SAMD12: variants seen among roughly 807,000 people sequenced by gnomAD.
SAMD12 encodes sterile alpha motif domain containing 12.
SAMD12 carries 9 observed loss-of-function variants against 15.0 expected under a neutral mutation model. That is an observed-to-expected ratio of 0.60 (90% CI 0.36 to 1.05). The LOEUF (loss-of-function observed/expected upper bound fraction) is 1.05, where lower values mean the gene tolerates loss of function less well. Ranked by LOEUF, SAMD12 falls within the 50% of genes least tolerant of loss-of-function variation. The pLI is 0.01. For synonymous variants in SAMD12, 86 were observed against 90.1 expected (o/e 0.96, Z 0.25); for missense variants, 230 against 234.2 (o/e 0.98, Z 0.12).
In SAMD12 at chr8:118,445,249, T is replaced by C. The variant is rs16891047; in HGVS notation, c.193-5288A>G. On this transcript the variant is annotated intron_variant, in intron 2 of 3. Transcript: ENST00000314727. ...TTCACCCAAAAAAGGTCACTAAATATCAGGAAAAATGGTTAGCTCATAGAA... is the reference window on the plus strand; with the variant it reads ...TTCACCCAAAAAAGGTCACTAAATACCAGGAAAAATGGTTAGCTCATAGAA... 4.6e-3 allele frequency among the ~76,000 whole-genome samples: 700 copies of C among 152,280 alleles called. 4 individuals carry two copies. The highest frequency in any genetic ancestry group is 0.016 in the African/African-American group (663 of 41,552).
At chr8:118,179,535 T>A in the SAMD12 span, among the ~76,000 whole-genome samples, 1 of 152,004 alleles carries the variant, frequency 6.6e-6, no homozygotes, top group African/African-American at 2.4e-5. Flanking sequence ...GAATAGGAGA[T>A]GCAGAGGAGT....
chr8:118,487,122 G>T (rs191374264), intron 2 of SAMD12, among the ~76,000 whole-genome samples: 2 of 152,176 alleles, frequency 1.3e-5, no homozygotes, highest in South Asian at 4.1e-4. Context: ...AGAATCCCCA[G>T]CACAAGTGTT....
At chr8:118,533,743 T>A (rs780468645) in intron 2 of SAMD12, among the ~76,000 whole-genome samples, 1 of 152,212 alleles carries the variant, frequency 6.6e-6, no homozygotes, top group Non-Finnish European at 1.5e-5. Context: ...GTCTGTTTTA[T>A]CAGAGACTAG....
chr8:118,434,717 C>A (rs932963494), intron 3 of SAMD12, among the ~76,000 whole-genome samples: 8 of 152,190 alleles, frequency 5.3e-5, no homozygotes, highest in Admixed American at 2.0e-4. Context: ...CAGAAACATA[C>A]GCAAATTTCT....
At chr8:118,222,633 G>A (rs1221454353) in intron 4 of SAMD12, among the ~76,000 whole-genome samples, 2 of 152,110 alleles carry the variant, frequency 1.3e-5, no homozygotes, top group East Asian at 1.9e-4. Context: ...AGTCTCCCGA[G>A]TAGCTGGGAT....
intron 2 of SAMD12, among the ~76,000 whole-genome samples, chr8:118,559,805 C>T (rs1826654737): frequency 6.6e-6 from 1 of 152,036 alleles, no homozygotes; most frequent in African/African-American, 2.4e-5. Context: ...AAATATATTC[C>T]TGTATAGAAA....
At chr8:118,402,509 G>C (rs1820917357) in intron 3 of SAMD12, among the ~76,000 whole-genome samples, 1 of 152,322 alleles carries the variant, frequency 6.6e-6, no homozygotes, top group African/African-American at 2.4e-5. Context: ...AGGCTTATAA[G>C]GGGACTGCTC....
At chr8:118,385,788 C>G (rs1405374213) in intron 3 of SAMD12, among the ~76,000 whole-genome samples, 1 of 152,074 alleles carries the variant, frequency 6.6e-6, no homozygotes, top group African/African-American at 2.4e-5. Flanking sequence ...TCTTCTTTAC[C>G]ACAAATTGAT....
intron 4 of SAMD12, among the ~76,000 whole-genome samples, chr8:118,265,271 C>T (rs1175308401): frequency 6.6e-6 from 1 of 152,046 alleles, no homozygotes; most frequent in Non-Finnish European, 1.5e-5. Flanking sequence ...TATATTTTCA[C>T]TAGACATCCA....
intron 3 of SAMD12, among the ~76,000 whole-genome samples, chr8:118,430,401 T>C (rs1362761382): frequency 6.6e-6 from 1 of 151,838 alleles, no homozygotes; most frequent in East Asian, 1.9e-4. Context: ...TCTCGCTCTG[T>C]TGCCAGGCTG....
chr8:118,398,987 G>A (rs770255264), intron 3 of SAMD12, among the ~76,000 whole-genome samples: 1 of 152,076 alleles, frequency 6.6e-6, no homozygotes, highest in Non-Finnish European at 1.5e-5. Context: ...GGTCTCAAGT[G>A]GTTCTCCCAC....
intron 4 of SAMD12, among the ~76,000 whole-genome samples, chr8:118,369,385 T>C (rs186423597): frequency 6.6e-6 from 1 of 152,280 alleles, no homozygotes; most frequent in Admixed American, 6.5e-5. Context: ...ACCTCTTCCT[T>C]ACACTTTATA....
intron 1 of SAMD12, chr8:118,621,218 A>C (rs1029353299): frequency 6.5e-6 from 1 of 153,076 alleles, no homozygotes; most frequent in African/African-American, 2.4e-5. Context: ...GGCTGATTAC[A>C]TTTCATGTCT....
the SAMD12 span, among the ~76,000 whole-genome samples, chr8:118,170,447 A>T: frequency 6.6e-6 from 1 of 152,210 alleles, no homozygotes; most frequent in Non-Finnish European, 1.5e-5. Context: ...CATAATTCTC[A>T]ACCAATAACA....
intron 4 of SAMD12, among the ~76,000 whole-genome samples, chr8:118,233,715 C>T (rs887283062): frequency 6.6e-6 from 1 of 152,106 alleles, no homozygotes; most frequent in Non-Finnish European, 1.5e-5. Flanking sequence ...GATGGCAGCA[C>T]AAGGTATTAT....
intron 2 of SAMD12, among the ~76,000 whole-genome samples, chr8:118,468,539 A>G (rs1448870840): frequency 6.6e-6 from 1 of 152,106 alleles, no homozygotes; most frequent in African/African-American, 2.4e-5. Flanking sequence ...TTTTAATATG[A>G]AAGTTTTCAG....
the SAMD12 span, among the ~76,000 whole-genome samples, chr8:118,137,395 G>T: frequency 6.6e-6 from 1 of 152,150 alleles, no homozygotes; most frequent in Non-Finnish European, 1.5e-5. Context: ...TTGGGGGTGG[G>T]GGGCTTTGCA....
chr8:118,433,412 CT>C (rs67140443), intron 3 of SAMD12, among the ~76,000 whole-genome samples: 3,034 of 148,212 alleles, frequency 0.02, 49 homozygotes, highest in Middle Eastern at 0.043. Flanking sequence ...TTGAAAGGGT[CT>C]TTTTTTTTTT....
intron 4 of SAMD12, among the ~76,000 whole-genome samples, chr8:118,297,612 TA>T (rs929854580): frequency 2.6e-5 from 4 of 152,200 alleles, no homozygotes; most frequent in Admixed American, 6.5e-5. Context: ...TAGAAGAGAT[TA>T]AAAAAATTTT....
Sources: gnomAD v4.1 joint callset for allele counts (sites outside exome capture counted in the v4.1 genomes callset) on GRCh38, gnomAD v4.1.1 for gene constraint, MANE v1.5 for transcripts, NCBI Gene and HGNC (gene_info 2026-07-23, HGNC 2026-07-21) for gene names.